Variants in ZDHHC17 observed in about 807,000 individuals in gnomAD.
ZDHHC17 encodes palmitoyltransferase ZDHHC17.
Under a neutral mutation model 90.3 loss-of-function variants are expected in ZDHHC17, and 40 were observed. The ratio of observed to expected loss-of-function variants is 0.44; its 90% CI spans 0.34 to 0.58. The LOEUF (loss-of-function observed/expected upper bound fraction) is 0.58, where lower values mean the gene tolerates loss of function less well. Ranked by LOEUF, ZDHHC17 falls within the 20% of genes least tolerant of loss-of-function variation. The pLI is 0.01. For missense variants in ZDHHC17, 614 were observed against 780.8 expected (o/e 0.79, Z 2.55); for synonymous variants, 235 against 252.4 (o/e 0.93, Z 0.65).
chr12:76,774,119 G>A (rs557762495), intron 1 of ZDHHC17, among the ~76,000 whole-genome samples: 22 of 152,072 alleles, frequency 1.4e-4, no homozygotes, highest in African/African-American at 4.8e-4. Context: ...GTGTGGTGAT[G>A]CATGCCTGTA....
chr12:76,840,339 A>ATTTTTTTTTTTTTTTTTTTCTTTTTT, intron 10 of ZDHHC17: 1 of 134,520 alleles, frequency 7.4e-6, no homozygotes, highest in Non-Finnish European at 1.6e-5. Context: ...ATTTCCATTA[A>ATTTTTTTTTTTTTTTTTTTCTTTTTT]TTTTTTTTTT....
At chr12:76,781,451 A>C (rs887850955) in intron 1 of ZDHHC17, among the ~76,000 whole-genome samples, 1 of 152,204 alleles carries the variant, frequency 6.6e-6, no homozygotes, top group East Asian at 1.9e-4. Context: ...AAGAGGTGGG[A>C]CTGCTGAGAG....
chr12:76,848,416 T>G, intron 15 of ZDHHC17, 26 bp downstream of exon 15: 1 of 1,608,008 alleles, frequency 6.2e-7, no homozygotes, highest in Non-Finnish European at 8.5e-7. Context: ...TTCTTTTTAG[T>G]GCACTAAGTG....
At chr12:76,797,039 C>T (rs1017117866) in intron 1 of ZDHHC17, among the ~76,000 whole-genome samples, 3 of 151,794 alleles carry the variant, frequency 2.0e-5, no homozygotes, top group East Asian at 1.9e-4. Context: ...CCAAGGCGGG[C>T]GGATCACGAG....
At chr12:76,765,866 G>T (rs935257995) in intron 1 of ZDHHC17, among the ~76,000 whole-genome samples, 4 of 151,998 alleles carry the variant, frequency 2.6e-5, no homozygotes, top group African/African-American at 9.7e-5. Context: ...ATACCCGGCT[G>T]ATTTTTTTAT....
At chr12:76,839,753 G>C (rs1404420429) in intron 10 of ZDHHC17, among the ~76,000 whole-genome samples, 1 of 152,126 alleles carries the variant, frequency 6.6e-6, no homozygotes. Context: ...CTCTTAAATT[G>C]GCAGCGTTTT....
chr12:76,821,893 G>T (rs562843088), intron 7 of ZDHHC17, among the ~76,000 whole-genome samples: 7 of 152,026 alleles, frequency 4.6e-5, no homozygotes, highest in Non-Finnish European at 8.8e-5. Context: ...AAACTTCTGG[G>T]TGGGTGAATG....
At chr12:76,767,032 A>AG (rs1321314436) in intron 1 of ZDHHC17, among the ~76,000 whole-genome samples, 13 of 150,684 alleles carry the variant, frequency 8.6e-5, no homozygotes, top group South Asian at 4.2e-4. Context: ...AAAAAAAAAA[A>AG]AAGAAAAGAA....
intron 2 of ZDHHC17, among the ~76,000 whole-genome samples, chr12:76,802,556 G>A (rs1020756277): frequency 6.6e-6 from 1 of 152,140 alleles, no homozygotes; most frequent in East Asian, 1.9e-4. Flanking sequence ...CTTCCACAAT[G>A]TGTGTGTTGT....
intron 16 of ZDHHC17, 40 bp downstream of exon 16, chr12:76,849,510 T>A: frequency 7.3e-7 from 1 of 1,361,524 alleles, no homozygotes; most frequent in Non-Finnish European, 1.0e-6. Flanking sequence ...TACCTGGTCA[T>A]AAAAATTTTC....
intron 8 of ZDHHC17, among the ~76,000 whole-genome samples, chr12:76,826,459 T>C (rs575398271): frequency 6.6e-6 from 1 of 152,312 alleles, no homozygotes; most frequent in South Asian, 2.1e-4. Flanking sequence ...GATTTTAATA[T>C]ACTATTTATC....
intron 7 of ZDHHC17, among the ~76,000 whole-genome samples, chr12:76,817,049 G>T (rs1953097233): frequency 6.6e-6 from 1 of 152,022 alleles, no homozygotes; most frequent in African/African-American, 2.4e-5. Flanking sequence ...GGCACTCTAG[G>T]TATTTACTGA....
Position 76,812,553 on chromosome 12 carries a change from C to G in ZDHHC17, c.544-2593C>G, listed in dbSNP as rs114749309. On this transcript the variant is annotated intron_variant, in intron 5 of 16. Transcript: ENST00000426126. ...CCCTTTCTCTTTTATCGACTGTAGT[C>G]AATAATATTGTTTTTCTTAATGTTA... 3.8e-3 allele frequency among the ~76,000 whole-genome samples: 585 copies of G among 152,040 alleles called. 7 individuals carry two copies. Among genetic ancestry groups the G allele is most frequent in the African/African-American group, 0.014 (566 of 41,492 alleles).
chr12:76,847,363 CA>C (rs1345073125), intron 14 of ZDHHC17, among the ~76,000 whole-genome samples: 1 of 152,182 alleles, frequency 6.6e-6, no homozygotes, highest in East Asian at 1.9e-4. Context: ...TCCTGCCCCA[CA>C]GATAGTAAAA....
At chr12:76,830,373 G>A (rs909205691) in intron 10 of ZDHHC17, among the ~76,000 whole-genome samples, 11 of 152,104 alleles carry the variant, frequency 7.2e-5, no homozygotes, top group Admixed American at 5.9e-4. Flanking sequence ...GCACAGAATT[G>A]TAACTACACT....
intron 4 of ZDHHC17, 41 bp downstream of exon 4, chr12:76,809,161 A>G (rs754201098): frequency 1.4e-6 from 2 of 1,404,044 alleles, no homozygotes; most frequent in Non-Finnish European, 1.9e-6. Flanking sequence ...TGGTTCCTTT[A>G]TTAGTATATA....
chr12:76,787,472 GA>G (rs1249572054), intron 1 of ZDHHC17, among the ~76,000 whole-genome samples: 1 of 152,146 alleles, frequency 6.6e-6, no homozygotes, highest in South Asian at 2.1e-4. Flanking sequence ...TTATGATGAA[GA>G]AACACTAAAT....
chr12:76,784,104 G>C (rs1352543838), intron 1 of ZDHHC17, among the ~76,000 whole-genome samples: 1 of 152,198 alleles, frequency 6.6e-6, no homozygotes, highest in African/African-American at 2.4e-5. Flanking sequence ...TAGAGCAACA[G>C]TACTAAACTA....
chr12:76,817,748 A>AAAGG, intron 7 of ZDHHC17, among the ~76,000 whole-genome samples: 1 of 152,080 alleles, frequency 6.6e-6, no homozygotes, highest in Non-Finnish European at 1.5e-5. Context: ...ACTCTTAGTA[A>AAAGG]AAGGAATAAT....
Sources: allele counts gnomAD v4.1 joint callset (sites outside exome capture counted in the v4.1 genomes callset), GRCh38; gene constraint gnomAD v4.1.1; transcripts MANE v1.5; gene names NCBI Gene and HGNC (gene_info 2026-07-23, HGNC 2026-07-21).